HSPA14: variants seen among roughly 807,000 people sequenced by gnomAD.
HSPA14 encodes heat shock protein family A (Hsp70) member 14.
HSPA14 carries 37 observed loss-of-function variants against 65.5 expected under a neutral mutation model. The ratio of observed to expected loss-of-function variants is 0.56; its 90% CI spans 0.43 to 0.74. HSPA14 has a LOEUF of 0.74. Among genes scored for constraint, HSPA14 ranks in the 30% least tolerant of loss-of-function variants. The pLI, the probability that HSPA14 is intolerant of heterozygous loss-of-function variation, is 0.00. For synonymous variants in HSPA14, 203 were observed against 214.2 expected (o/e 0.95, Z 0.46); for missense variants, 564 against 607.6 (o/e 0.93, Z 0.75).
rs957580411 is a variant in HSPA14 at position 14,844,364 on chromosome 10, A to C, written c.221+4207A>C. ...CTGAGGTAAGGCAGATTGGTTTACA[A>C]GATACAGAAGTATGGATATATACTG... is the stretch of plus-strand genomic sequence containing the variant. On this transcript the variant is annotated intron_variant, in intron 3 of 13. Coordinates refer to ENST00000378372, the MANE Select transcript of HSPA14 (RefSeq NM_016299.4). 5.9e-6 allele frequency: 6 copies of C among 1,025,594 alleles called. No individual in the cohort carries two copies. The African/African-American group carries it at 1.0e-4, about 18-fold the overall frequency. The allele number at this position is 1,025,594 out of a possible 1,614,324, so 63.5% of individuals were successfully genotyped here.
chr10:14,858,670 C>A (rs903318265), intron 10 of HSPA14, among the ~76,000 whole-genome samples: 2 of 152,152 alleles, frequency 1.3e-5, no homozygotes, highest in Admixed American at 6.5e-5. Context: ...GAGAGATATA[C>A]CCCACCTACC....
chr10:14,842,951 T>C lies in HSPA14; in HGVS notation c.221+2794T>C. 1.2e-6 allele frequency: 1 copy of C among 850,990 alleles called. No individual in the cohort carries two copies. The highest frequency in any genetic ancestry group is 1.8e-6 in the Non-Finnish European group (1 of 565,520). The allele number at this position is 850,990 out of a possible 1,614,324, so 52.7% of individuals were successfully genotyped here. A position where few individuals can be genotyped will look rare whatever the true frequency, so the allele number is the denominator to read the frequency against. On this transcript the variant is annotated intron_variant, in intron 3 of 13. Coordinates refer to ENST00000378372, the MANE Select transcript of HSPA14 (RefSeq NM_016299.4). The surrounding 1 kb of genome is among the most constrained non-coding windows in gnomAD (Gnocchi z 5.2). ...TCCTCTTCAGCATAGTTCCTGTTTC[T>C]GCCTCATTCTGCCCCACGCACCTTT...
At chr10:14,863,376 C>T (rs1482768815) in intron 10 of HSPA14, among the ~76,000 whole-genome samples, 1 of 152,148 alleles carries the variant, frequency 6.6e-6, no homozygotes, top group Admixed American at 6.5e-5. Context: ...CTACTTGGCT[C>T]CAACTCATCC....
chr10:14,859,417 C>T lies in HSPA14; in HGVS notation c.993+3474C>T, dbSNP rs958978179. 3.3e-5 allele frequency among the ~76,000 whole-genome samples: 5 copies of T among 152,194 alleles called. No homozygotes were observed. In the South Asian group the frequency reaches 6.2e-4, roughly 19 times the overall value. On this transcript the variant is annotated intron_variant, in intron 10 of 13. Coordinates refer to ENST00000378372, the MANE Select transcript of HSPA14 (RefSeq NM_016299.4). ...AAACTTCATCTGATTTACCTCTTTC[C>T]AGCTTCCAAAATTTGTTGACATCTC...
intron 3 of HSPA14, 114 bp from the exon 4 acceptor site, chr10:14,848,492 TTTG>T: frequency 1.5e-6 from 1 of 657,428 alleles, no homozygotes; most frequent in Non-Finnish European, 2.6e-6. Flanking sequence ...GCTTAATAAC[TTTG>T]TTAATATTTT....
intron 1 of HSPA14, among the ~76,000 whole-genome samples, chr10:14,839,496 C>T (rs891164310): frequency 6.7e-6 from 1 of 149,380 alleles, no homozygotes; most frequent in Non-Finnish European, 1.5e-5. Flanking sequence ...ACCCGGGAGG[C>T]GGAAGTTGCA....
Position 14,867,301 on chromosome 10 carries a change from T to A in HSPA14, c.1206+6T>A. On this transcript the variant is annotated splice_donor_region_variant and intron_variant, in intron 11 of 13. Transcript: ENST00000378372. ...CCAGAGATATTTTAGTTAAGGTATG[T>A]TTAGCTTTTGTATACTAGTTAAGGT... 6.3e-7 allele frequency: 1 copy of A among 1,597,404 alleles called. No individual in the cohort carries two copies.
At chr10:14,848,949 C>A in intron 5 of HSPA14, 54 bp downstream of exon 5, 2 of 979,410 alleles carry the variant, frequency 2.0e-6, no homozygotes, top group Non-Finnish European at 3.1e-6. Flanking sequence ...TGAAAGTTGA[C>A]CTTAAAAAAA....
chr10:14,844,983 A>G, intron 3 of HSPA14: 2 of 985,436 alleles, frequency 2.0e-6, no homozygotes, highest in Non-Finnish European at 2.4e-6. Flanking sequence ...AAGTTTATGT[A>G]GTTAATGGCA....
intron 12 of HSPA14, among the ~76,000 whole-genome samples, chr10:14,870,286 A>G (rs1227023565): frequency 6.6e-6 from 1 of 152,196 alleles, no homozygotes; most frequent in East Asian, 1.9e-4. Context: ...CAAAAAAGAA[A>G]AGTAGCCTTT....
intron 10 of HSPA14, among the ~76,000 whole-genome samples, chr10:14,862,963 T>G (rs1832768599): frequency 6.6e-6 from 1 of 152,130 alleles, no homozygotes; most frequent in Non-Finnish European, 1.5e-5. Context: ...GGATTACAGG[T>G]GTGAGCCACT....
intron 10 of HSPA14, among the ~76,000 whole-genome samples, chr10:14,856,961 T>A (rs571283779): frequency 2.0e-5 from 3 of 152,342 alleles, no homozygotes; most frequent in African/African-American, 7.2e-5. Context: ...GGCAGCTGTA[T>A]TTCTAACTTG....
intron 3 of HSPA14, chr10:14,843,627 G>T: frequency 6.4e-7 from 1 of 1,550,468 alleles, no homozygotes; most frequent in Non-Finnish European, 8.7e-7. Context: ...GGCGAAGAAG[G>T]CGGTCAGTGG....
intron 10 of HSPA14, among the ~76,000 whole-genome samples, chr10:14,865,456 G>A (rs1366118137): frequency 6.6e-6 from 1 of 152,026 alleles, no homozygotes; most frequent in African/African-American, 2.4e-5. Context: ...ATGGTTTTAG[G>A]TCTAACATTT....
intron 13 of HSPA14, 28 bp from the exon 14 acceptor site, chr10:14,871,499 CA>C: frequency 2.3e-6 from 3 of 1,279,620 alleles, no homozygotes; most frequent in Middle Eastern, 3.7e-4. Flanking sequence ...TGAGCTTGTG[CA>C]ATGTTCTTTA....
intron 3 of HSPA14, chr10:14,844,975 G>T (rs1588808107): frequency 2.0e-6 from 2 of 985,426 alleles, no homozygotes; most frequent in Admixed American, 1.2e-4. Flanking sequence ...GTAGACAGAA[G>T]TTTATGTAGT....
chr10:14,841,174 T>C (rs550790128), intron 3 of HSPA14: 4 of 152,344 alleles, frequency 2.6e-5, no homozygotes, highest in African/African-American at 9.6e-5. Context: ...AGGATACTTA[T>C]GCACTAAGCC....
intron 10 of HSPA14, among the ~76,000 whole-genome samples, chr10:14,866,855 C>A (rs886214462): frequency 2.0e-4 from 30 of 151,930 alleles, no homozygotes; most frequent in African/African-American, 7.0e-4. Context: ...GGTGAGATTT[C>A]CTCATTTTAA....
rs1832775261 is a variant in HSPA14, at chr10:14,863,531, A to T, written c.994-3552A>T. ...GTGTCTATCATAAACTGAGTGTAAC[A>T]GTCCTGTCCCCTAACCCAGGCTTAG... On this transcript the variant is annotated intron_variant, in intron 10 of 13. Coordinates refer to ENST00000378372, the MANE Select transcript of HSPA14 (RefSeq NM_016299.4). Among the ~76,000 whole-genome samples, 14 of 152,314 alleles carry T rather than the reference A, an allele frequency of 9.2e-5. No homozygotes were observed. In the South Asian group the frequency reaches 2.9e-3, roughly 32 times the overall value.
Sources: allele counts gnomAD v4.1 joint callset (sites outside exome capture counted in the v4.1 genomes callset), GRCh38; gene constraint gnomAD v4.1.1; non-coding constraint Gnocchi (gnomAD v3.1); transcripts MANE v1.5; gene names NCBI Gene and HGNC (gene_info 2026-07-23, HGNC 2026-07-21).